SYNPR: variants seen among roughly 807,000 people sequenced by gnomAD.
SYNPR encodes synaptoporin.
Under a neutral mutation model 32.9 loss-of-function variants are expected in SYNPR, and 23 were observed. The ratio of observed to expected loss-of-function variants is 0.70; its 90% CI spans 0.50 to 0.99. The LOEUF is 0.99. Ranked by LOEUF, SYNPR falls within the 50% of genes least tolerant of loss-of-function variation. The pLI is 0.00. For missense variants in SYNPR, 318 were observed against 349.3 expected (o/e 0.91, Z 0.71); for synonymous variants, 146 against 135.9 (o/e 1.07, Z -0.52).
At chr3:63,443,275 T>C (rs1700213903) in intron 2 of SYNPR, 1 of 1,444,110 alleles carries the variant, frequency 6.9e-7, no homozygotes, top group Non-Finnish European at 9.1e-7. Flanking sequence ...TGCTATCTGA[T>C]TGGTATAACA....
chr3:63,420,850 T>C (rs1016609677), intron 2 of SYNPR, among the ~76,000 whole-genome samples: 1 of 152,056 alleles, frequency 6.6e-6, no homozygotes, highest in Non-Finnish European at 1.5e-5. Flanking sequence ...AATAGAAAAA[T>C]GGGCAGAAGA....
chr3:63,420,780 G>A (rs976212950), intron 2 of SYNPR, among the ~76,000 whole-genome samples: 1 of 152,054 alleles, frequency 6.6e-6, no homozygotes, highest in Non-Finnish European at 1.5e-5. Flanking sequence ...CATTTATAAT[G>A]GGCAAAGGAG....
At chr3:63,317,276 AT>A (rs537377818) in intron 2 of SYNPR, among the ~76,000 whole-genome samples, 109 of 151,134 alleles carry the variant, frequency 7.2e-4, no homozygotes, top group African/African-American at 2.4e-3. Flanking sequence ...GTTTAAATCC[AT>A]TGTTTCTTTG....
At chr3:63,246,073 T>G (rs2086286917) in intron 1 of SYNPR, among the ~76,000 whole-genome samples, 1 of 152,058 alleles carries the variant, frequency 6.6e-6, no homozygotes, top group Non-Finnish European at 1.5e-5. Context: ...CAATGACTTT[T>G]AAATATACAG....
At chr3:63,203,682 C>T in the SYNPR span, among the ~76,000 whole-genome samples, 4 of 152,324 alleles carry the variant, frequency 2.6e-5, no homozygotes, top group South Asian at 2.1e-4. Flanking sequence ...GCTACCTAGA[C>T]ACTACTGCCT....
intron 4 of SYNPR, among the ~76,000 whole-genome samples, chr3:63,584,598 G>T (rs567829623): frequency 6.6e-6 from 1 of 152,088 alleles, no homozygotes; most frequent in African/African-American, 2.4e-5. Context: ...CAGGATTTAC[G>T]TTGGGTGCTA....
intron 4 of SYNPR, among the ~76,000 whole-genome samples, chr3:63,608,725 G>A (rs1439333333): frequency 6.6e-6 from 1 of 152,126 alleles, no homozygotes; most frequent in Non-Finnish European, 1.5e-5. Flanking sequence ...CAGGTTGCCT[G>A]GGTTTGAATC....
At chr3:63,585,449 G>GC (rs141942203) in intron 4 of SYNPR, among the ~76,000 whole-genome samples, 64,081 of 109,294 alleles carry the variant, frequency 0.59, 14,154 homozygotes, top group Middle Eastern at 0.67. Context: ...GTATATCCAT[G>GC]CCCCCCCCCT....
intron 1 of SYNPR, among the ~76,000 whole-genome samples, chr3:63,250,377 C>T (rs114585853): frequency 2.2e-3 from 332 of 152,222 alleles, no homozygotes; most frequent in African/African-American, 7.4e-3. Flanking sequence ...AAGATCTCCA[C>T]GCCTGGGGCA....
intron 5 of SYNPR, 72 bp from the exon 6 acceptor site, chr3:63,615,152 T>C: frequency 6.5e-7 from 1 of 1,528,600 alleles, no homozygotes; most frequent in Non-Finnish European, 8.8e-7. Flanking sequence ...TTGTGAAGGA[T>C]TTTTCCAAAA....
At chr3:63,217,633 G>C in the SYNPR span, among the ~76,000 whole-genome samples, 1 of 150,274 alleles carries the variant, frequency 6.7e-6, no homozygotes, top group African/African-American at 2.4e-5. Flanking sequence ...AGATGAACCT[G>C]GTACCTCAGA....
chr3:63,472,325 C>T (rs1359169090), intron 2 of SYNPR, among the ~76,000 whole-genome samples: 1 of 152,100 alleles, frequency 6.6e-6, no homozygotes, highest in Non-Finnish European at 1.5e-5. Context: ...ATCATGTGAC[C>T]TTGGACTTGC....
intron 2 of SYNPR, among the ~76,000 whole-genome samples, chr3:63,428,288 A>G (rs911170472): frequency 4.6e-5 from 7 of 152,230 alleles, no homozygotes; most frequent in African/African-American, 1.7e-4. Context: ...CAGAAAATTC[A>G]GGATTTGAAA....
intron 5 of SYNPR, among the ~76,000 whole-genome samples, chr3:63,611,796 T>C (rs1487081798): frequency 6.6e-6 from 1 of 152,226 alleles, no homozygotes; most frequent in African/African-American, 2.4e-5. Context: ...TCAGGTCCAG[T>C]TGCAAATTTC....
intron 2 of SYNPR, among the ~76,000 whole-genome samples, chr3:63,299,455 C>T (rs2086821572): frequency 6.6e-6 from 1 of 152,032 alleles, no homozygotes; most frequent in South Asian, 2.1e-4. Flanking sequence ...TCAAGGAAGA[C>T]AGTATCTGTC....
At chr3:63,594,136 A>G (rs934657585) in intron 4 of SYNPR, among the ~76,000 whole-genome samples, 5 of 151,982 alleles carry the variant, frequency 3.3e-5, no homozygotes, top group Non-Finnish European at 2.9e-5. Context: ...TGTGGTGAAG[A>G]TGAAATGAGG....
chr3:63,502,141 C>T (rs928793166), intron 3 of SYNPR, among the ~76,000 whole-genome samples: 7 of 151,948 alleles, frequency 4.6e-5, no homozygotes, highest in Non-Finnish European at 8.8e-5. Flanking sequence ...TTTAATGTAG[C>T]TACCAGAAAA....
chr3:63,423,798 G>T (rs1699843125), intron 2 of SYNPR: 3 of 152,246 alleles, frequency 2.0e-5, no homozygotes, highest in Admixed American at 2.0e-4. Flanking sequence ...GTTACCAGCA[G>T]AATAGGGCCA....
chr3:63,265,896 T>G (rs1236292489), intron 2 of SYNPR, among the ~76,000 whole-genome samples: 1 of 152,218 alleles, frequency 6.6e-6, no homozygotes, highest in Non-Finnish European at 1.5e-5. Flanking sequence ...AGACATATAG[T>G]CCATGTCCAC....
Sources: allele counts gnomAD v4.1 joint callset (sites outside exome capture counted in the v4.1 genomes callset), GRCh38; gene constraint gnomAD v4.1.1; transcripts MANE v1.5; gene names NCBI Gene and HGNC (gene_info 2026-07-23, HGNC 2026-07-21).